GOLM1: variants seen among roughly 807,000 people sequenced by gnomAD.
The protein encoded by GOLM1 is epididymis luminal protein 46.
Under a neutral mutation model 50.5 loss-of-function variants are expected in GOLM1, and 31 were observed. The ratio of observed to expected loss-of-function variants is 0.61; its 90% CI spans 0.46 to 0.83. The LOEUF is 0.83. Ranked by LOEUF, GOLM1 falls within the 40% of genes least tolerant of loss-of-function variation. GOLM1 has a pLI of 0.00. For synonymous variants in GOLM1, 178 were observed against 192.8 expected (o/e 0.92, Z 0.64); for missense variants, 491 against 501.3 (o/e 0.98, Z 0.20).
intron 8 of GOLM1, chr9:86,034,953 C>A (rs1344061346): frequency 2.1e-6 from 2 of 953,674 alleles, no homozygotes; most frequent in East Asian, 2.3e-4. Flanking sequence ...TAACCTTCAT[C>A]TACCCAATAT....
intron 1 of GOLM1, among the ~76,000 whole-genome samples, chr9:86,093,375 C>CAAAA (rs34420567): frequency 9.1e-5 from 10 of 109,336 alleles, no homozygotes; most frequent in African/African-American, 3.1e-4. Flanking sequence ...GATTCTGCCT[C>CAAAA]AAAAAAAAAA....
intron 7 of GOLM1, 24 bp downstream of exon 7, chr9:86,036,322 CAG>C: frequency 6.2e-7 from 1 of 1,613,490 alleles, no homozygotes; most frequent in Non-Finnish European, 8.5e-7. Flanking sequence ...GAGCTGGGAA[CAG>C]GGCAACTGCT....
intron 1 of GOLM1, among the ~76,000 whole-genome samples, chr9:86,089,263 TGTG>T (rs1305515860): frequency 1.3e-5 from 2 of 152,142 alleles, no homozygotes; most frequent in African/African-American, 4.8e-5. Context: ...GAGGAGTATC[TGTG>T]GTGTTCTCTG....
chr9:86,037,018 C>T (rs888752849), intron 6 of GOLM1, among the ~76,000 whole-genome samples: 5 of 152,276 alleles, frequency 3.3e-5, no homozygotes, highest in Admixed American at 3.3e-4. Flanking sequence ...GATTATAAAT[C>T]AATAACAGGA....
At chr9:86,046,433 A>G (rs1455199474) in intron 5 of GOLM1, 37 bp downstream of exon 5, 1 of 1,236,126 alleles carries the variant, frequency 8.1e-7, no homozygotes, top group Non-Finnish European at 1.2e-6. Context: ...GGTGCCGTGC[A>G]CCCTGCACTG....
chr9:86,060,131 T>A (rs1834114153), intron 3 of GOLM1, among the ~76,000 whole-genome samples: 1 of 152,138 alleles, frequency 6.6e-6, no homozygotes, highest in Admixed American at 6.6e-5. Context: ...CACATAAAAA[T>A]TATTGAGAAA....
intron 3 of GOLM1, among the ~76,000 whole-genome samples, chr9:86,062,265 G>C (rs1215032665): frequency 6.6e-6 from 1 of 152,140 alleles, no homozygotes; most frequent in South Asian, 2.1e-4. Context: ...AGGTCCATGA[G>C]GTGTGGTGGC....
intron 2 of GOLM1, chr9:86,078,153 C>A (rs1459509625): frequency 6.6e-6 from 1 of 152,522 alleles, no homozygotes; most frequent in Admixed American, 6.5e-5. Context: ...TGCTCCACCT[C>A]AACCTCTTGG....
intron 1 of GOLM1, among the ~76,000 whole-genome samples, chr9:86,088,575 T>TTG (rs1554675562): frequency 0.19 from 6,411 of 34,570 alleles, 426 homozygotes; most frequent in East Asian, 0.41. Flanking sequence ...TGGTTTTGTT[T>TTG]TTTTTTTTTT....
intron 3 of GOLM1, among the ~76,000 whole-genome samples, chr9:86,060,982 T>C (rs984755685): frequency 1.4e-5 from 2 of 147,828 alleles, no homozygotes; most frequent in South Asian, 2.2e-4. Context: ...ACATGAGGAA[T>C]TCCTGGATGT....
Position 86,049,875 on chromosome 9 carries a change from C to T in GOLM1, c.364+2662G>A, listed in dbSNP as rs557294135. 5.8e-3 allele frequency among the ~76,000 whole-genome samples: 876 copies of T among 152,276 alleles called. 9 individuals are homozygous for T. Among genetic ancestry groups the T allele is most frequent in the African/African-American group, 0.019 (779 of 41,552 alleles). Reference sequence around the variant, plus strand: ...CCCTTTATTTCTTTCTCCTGCCTGACTGCCCTGGCCAGAACTTCCAACACT... The same window carrying T: ...CCCTTTATTTCTTTCTCCTGCCTGATTGCCCTGGCCAGAACTTCCAACACT... On this transcript the variant is annotated intron_variant, in intron 4 of 9. Transcript: ENST00000388712.
chr9:86,028,318 G>C (rs924088893), intron 9 of GOLM1, among the ~76,000 whole-genome samples: 1 of 152,186 alleles, frequency 6.6e-6, no homozygotes, highest in Non-Finnish European at 1.5e-5. Context: ...AGAACACATC[G>C]AAAGACGCTG....
In GOLM1 at chr9:86,028,751, G is replaced by A. The variant is rs192750799; in HGVS notation, c.1130-858C>T. 2.6e-5 allele frequency among the ~76,000 whole-genome samples: 4 copies of A among 152,070 alleles called. No homozygotes were observed. The East Asian group carries it at 7.7e-4, about 29-fold the overall frequency. On this transcript the variant is annotated intron_variant, in intron 9 of 9. Coordinates refer to ENST00000388712, the MANE Select transcript of GOLM1 (RefSeq NM_016548.4). Reference sequence around the variant, plus strand: ...AACCCATCCTCCCCACAACCTGTCCGTCCGCATGCTTCCCCTAGGGGTTTG... The same window carrying A: ...AACCCATCCTCCCCACAACCTGTCCATCCGCATGCTTCCCCTAGGGGTTTG...
intron 3 of GOLM1, among the ~76,000 whole-genome samples, chr9:86,055,335 C>CA (rs1383497621): frequency 6.6e-6 from 1 of 152,158 alleles, no homozygotes; most frequent in Non-Finnish European, 1.5e-5. Context: ...AGGATCCACA[C>CA]AGTAGGAATC....
At chr9:86,092,095 C>T (rs1835203282) in intron 1 of GOLM1, among the ~76,000 whole-genome samples, 1 of 152,204 alleles carries the variant, frequency 6.6e-6, no homozygotes, top group South Asian at 2.1e-4. Context: ...CCATGTCTGA[C>T]CCTTGCTCTA....
At chr9:86,068,658 C>G (rs1834372268) in intron 3 of GOLM1, among the ~76,000 whole-genome samples, 1 of 152,264 alleles carries the variant, frequency 6.6e-6, no homozygotes, top group South Asian at 2.1e-4. Flanking sequence ...AACCCGTTCC[C>G]ACTGAGCTTT....
chr9:86,028,325 G>A (rs917978443), intron 9 of GOLM1, among the ~76,000 whole-genome samples: 7 of 152,318 alleles, frequency 4.6e-5, no homozygotes, highest in African/African-American at 1.2e-4. Context: ...ATCGAAAGAC[G>A]CTGGCAGGCC....
At chr9:86,077,779 T>C (rs1834663717) in intron 2 of GOLM1, 188 bp from the exon 3 acceptor site, 1 of 561,696 alleles carries the variant, frequency 1.8e-6, no homozygotes, top group Non-Finnish European at 3.2e-6. Flanking sequence ...AAAAATGGTC[T>C]CTGTCAGTGT....
At position 86,046,536 on chromosome 9, in the gene GOLM1, A is replaced by G. The variant is rs1287851507; in HGVS notation, c.401T>C (p.Leu134Pro). ...LKTLQRNYGR[L>P]QQDVLQFQKN... ...CTGAAACTGGAGGACATCCTGCTGC[A>G]GCCTGCCGTAATTCCTCTGCAGGGT... The change falls in exon 5 of 10, where the codon CTG (leucine) becomes CCG (proline). Residue 134 changes from leucine to proline, a missense_variant. Coordinates refer to ENST00000388712, the MANE Select transcript of GOLM1 (RefSeq NM_016548.4). 6.2e-7 allele frequency: 1 copy of G among 1,613,386 alleles called. No homozygotes were observed.
Sources: gnomAD v4.1 joint callset for allele counts (sites outside exome capture counted in the v4.1 genomes callset) on GRCh38, gnomAD v4.1.1 for gene constraint, MANE v1.5 for transcripts, NCBI Gene and HGNC (gene_info 2026-07-23, HGNC 2026-07-21) for gene names.